The following PDCD10 variants were observed in gnomAD, a reference collection of about 807,000 sequenced individuals.
PDCD10 encodes the protein programmed cell death 10.
Under a neutral mutation model 29.2 loss-of-function variants are expected in PDCD10, and 4 were observed. The observed-to-expected ratio is 0.14, with a 90% CI of 0.07 to 0.31. The LOEUF (loss-of-function observed/expected upper bound fraction) is 0.31, where lower values mean the gene tolerates loss of function less well. Ranked by LOEUF, PDCD10 falls within the 10% of genes least tolerant of loss-of-function variation. PDCD10 has a pLI of 1.00. For synonymous variants in PDCD10, 70 were observed against 82.2 expected, an observed-to-expected ratio of 0.85 and a Z score of 0.80; for missense variants, 183 against 257.9, an observed-to-expected ratio of 0.71 and a Z score of 1.99.
chr3:167,692,536 T>C (rs1336307089), intron 6 of PDCD10, among the ~76,000 whole-genome samples: 2 of 152,180 alleles, frequency 1.3e-5, no homozygotes, highest in Non-Finnish European at 1.5e-5. Flanking sequence ...AGATTAAAAA[T>C]AAAACTCCAT....
At chr3:167,690,458 G>T (rs938093221) in intron 6 of PDCD10, among the ~76,000 whole-genome samples, 3 of 152,128 alleles carry the variant, frequency 2.0e-5, no homozygotes, top group Non-Finnish European at 2.9e-5. Flanking sequence ...TTTAGCCTAA[G>T]AATATGCAAA....
chr3:167,692,842 C>T (rs1023280033), intron 6 of PDCD10, among the ~76,000 whole-genome samples: 1 of 152,168 alleles, frequency 6.6e-6, no homozygotes, highest in Admixed American at 6.5e-5. Context: ...GGCATGAACC[C>T]GGGAGGCAGA....
intron 4 of PDCD10, among the ~76,000 whole-genome samples, chr3:167,699,571 C>G (rs2108419186): frequency 6.6e-6 from 1 of 152,282 alleles, no homozygotes; most frequent in South Asian, 2.1e-4. Context: ...GGGAGACAAT[C>G]TACAACTCTT....
At chr3:167,699,366 C>A (rs969586544) in intron 4 of PDCD10, among the ~76,000 whole-genome samples, 4 of 152,172 alleles carry the variant, frequency 2.6e-5, no homozygotes, top group African/African-American at 9.7e-5. Flanking sequence ...TCACTGTACA[C>A]CTTCACAATT....
At chr3:167,719,622 A>G (rs1296183515) in intron 3 of PDCD10, among the ~76,000 whole-genome samples, 2 of 152,094 alleles carry the variant, frequency 1.3e-5, no homozygotes. Context: ...TGTGCCTGCT[A>G]TTCTGGCTAC....
chr3:167,697,973 T>A (rs963242379), intron 4 of PDCD10: 3 of 456,710 alleles, frequency 6.6e-6, no homozygotes, highest in Admixed American at 2.3e-5. Context: ...TTCTTTCCTT[T>A]TTGCCCTAAT....
chr3:167,717,519 T>C (rs1286677411), intron 3 of PDCD10, among the ~76,000 whole-genome samples: 1 of 150,406 alleles, frequency 6.6e-6, no homozygotes, highest in Admixed American at 6.6e-5. Context: ...ATTTCCCTAT[T>C]AGATATATAG....
chr3:167,734,025 G>A (rs906997516), intron 2 of PDCD10, among the ~76,000 whole-genome samples, 189 bp downstream of exon 2: 3 of 151,958 alleles, frequency 2.0e-5, no homozygotes, highest in Non-Finnish European at 2.9e-5. Context: ...CATTTACTTT[G>A]TAACTTCCTC....
intron 3 of PDCD10, among the ~76,000 whole-genome samples, chr3:167,719,480 A>C (rs922122238): frequency 6.6e-6 from 1 of 152,140 alleles, no homozygotes; most frequent in Non-Finnish European, 1.5e-5. Flanking sequence ...ACCCCAAAAT[A>C]TATCAATATT....
intron 2 of PDCD10, among the ~76,000 whole-genome samples, chr3:167,722,271 T>C (rs1323634169): frequency 6.6e-6 from 1 of 152,130 alleles, no homozygotes; most frequent in African/African-American, 2.4e-5. Context: ...TTAATAAATA[T>C]TTCAATGGTC....
intron 2 of PDCD10, among the ~76,000 whole-genome samples, chr3:167,724,964 T>C (rs1398531074): frequency 6.6e-6 from 1 of 152,044 alleles, no homozygotes; most frequent in African/African-American, 2.4e-5. Context: ...ACACAGAGAA[T>C]CATACTCATC....
intron 2 of PDCD10, among the ~76,000 whole-genome samples, chr3:167,728,285 C>G (rs779079464): frequency 6.6e-6 from 1 of 151,870 alleles, no homozygotes; most frequent in African/African-American, 2.4e-5. Flanking sequence ...TGAAAAAAAG[C>G]CTAGCAACAA....
intron 2 of PDCD10, among the ~76,000 whole-genome samples, chr3:167,732,409 A>G (rs1323648293): frequency 6.6e-6 from 1 of 152,224 alleles, no homozygotes; most frequent in Non-Finnish European, 1.5e-5. Flanking sequence ...AGGCTCCTGC[A>G]AAGTTCAAAA....
chr3:167,729,899 T>A (rs1337627128), intron 2 of PDCD10, among the ~76,000 whole-genome samples: 1 of 152,176 alleles, frequency 6.6e-6, no homozygotes, highest in East Asian at 1.9e-4. Context: ...GTTAATAAAA[T>A]TCTTTTCTTT....
At chr3:167,689,707 A>G (rs1264515986) in intron 6 of PDCD10, among the ~76,000 whole-genome samples, 3 of 152,154 alleles carry the variant, frequency 2.0e-5, no homozygotes, top group African/African-American at 7.2e-5. Context: ...GTGACTGCTG[A>G]TGAGTCAGGT....
At chr3:167,712,241 C>A (rs1722593538) in intron 3 of PDCD10, among the ~76,000 whole-genome samples, 1 of 151,800 alleles carries the variant, frequency 6.6e-6, no homozygotes, top group Non-Finnish European at 1.5e-5. Flanking sequence ...AGAGAAACAA[C>A]AAAAGTTAAA....
Position 167,715,030 on chromosome 3 carries a change from A to C in PDCD10, c.96+5032T>G, listed in dbSNP as rs184420458. On this transcript the variant is annotated intron_variant, in intron 3 of 8. Coordinates refer to ENST00000392750, the MANE Select transcript of PDCD10 (RefSeq NM_007217.4). ...TGCCTGACTTCAAACTATTCTATAGAGCTATAGTAGCCAAAATGCCATCTA... is the reference window on the plus strand; with the variant it reads ...TGCCTGACTTCAAACTATTCTATAGCGCTATAGTAGCCAAAATGCCATCTA... Among the ~76,000 whole-genome samples, 346 of 151,920 alleles carry C rather than the reference A, an allele frequency of 2.3e-3. 2 individuals are homozygous for C. Among genetic ancestry groups the C allele is most frequent in the African/African-American group, 7.8e-3 (323 of 41,540 alleles).
chr3:167,700,874 A>G (rs940208421), intron 4 of PDCD10, among the ~76,000 whole-genome samples: 1 of 152,222 alleles, frequency 6.6e-6, no homozygotes, highest in African/African-American at 2.4e-5. Context: ...TATCTGCCTG[A>G]AAAGGTTTTT....
chr3:167,698,344 A>G (rs536068483), intron 4 of PDCD10, among the ~76,000 whole-genome samples: 2 of 152,242 alleles, frequency 1.3e-5, no homozygotes, highest in East Asian at 3.9e-4. Context: ...GCCTATGTTG[A>G]CTTTTCCTTC....
Sources: gnomAD v4.1 joint callset for allele counts (sites outside exome capture counted in the v4.1 genomes callset) on GRCh38, gnomAD v4.1.1 for gene constraint, MANE v1.5 for transcripts, NCBI Gene and HGNC (gene_info 2026-07-23, HGNC 2026-07-21) for gene names.